The following DENND11 variants were observed in gnomAD, a reference collection of about 807,000 sequenced individuals.
DENND11 encodes the protein DENN domain containing 11.
Under a neutral mutation model 49.2 loss-of-function variants are expected in DENND11, and 34 were observed. The observed-to-expected ratio is 0.69, with a 90% CI of 0.53 to 0.92. The LOEUF is 0.92. Ranked by LOEUF, DENND11 falls within the 40% of genes least tolerant of loss-of-function variation. The probability of loss-of-function intolerance (pLI) is 0.00; values close to 1 mark genes in which losing one functional copy is unlikely to be tolerated. For synonymous variants in DENND11, 238 were observed against 230.3 expected (o/e 1.03, Z -0.30); for missense variants, 475 against 581.6 (o/e 0.82, Z 1.88).
intron 1 of DENND11, among the ~76,000 whole-genome samples, chr7:141,692,275 G>A (rs975699597): frequency 2.0e-5 from 3 of 152,208 alleles, no homozygotes; most frequent in African/African-American, 7.2e-5. Context: ...TGCGGATATC[G>A]ACAAGTTAAT....
At chr7:141,696,913 CAA>C (rs911716418) in intron 1 of DENND11, among the ~76,000 whole-genome samples, 1 of 152,158 alleles carries the variant, frequency 6.6e-6, no homozygotes, top group African/African-American at 2.4e-5. Flanking sequence ...ACATCCAAAG[CAA>C]AGAGAAAAGC....
chr7:141,666,914 T>C (rs1797904671), intron 4 of DENND11, among the ~76,000 whole-genome samples: 1 of 152,146 alleles, frequency 6.6e-6, no homozygotes, highest in African/African-American at 2.4e-5. Flanking sequence ...GCACTTCACC[T>C]CTGACCACTC....
At chr7:141,662,873 C>G (rs764351532) in intron 8 of DENND11, 22 bp from the exon 9 acceptor site, 11 of 1,506,590 alleles carry the variant, frequency 7.3e-6, no homozygotes, top group Non-Finnish European at 9.8e-6. Flanking sequence ...AGACAAGACA[C>G]AGGAAAGGAA....
At chr7:141,669,474 C>T (rs1229542834) in intron 4 of DENND11, among the ~76,000 whole-genome samples, 1 of 128,302 alleles carries the variant, frequency 7.8e-6, no homozygotes, top group Non-Finnish European at 1.8e-5. Context: ...TTTTGAATTC[C>T]TGATCTCATG....
Position 141,665,311 on chromosome 7 carries a change from G to A in DENND11, c.828C>T (p.Cys276=). The A allele has an allele frequency of 6.2e-7, 1 of 1,613,926 alleles. No individual in the cohort carries two copies. The highest frequency in any genetic ancestry group is 8.5e-7 in the Non-Finnish European group (1 of 1,179,880). ...PVGVVCYRVY[C]CCCLANVSLP... ...GTGAAACGTTGGCCAAGCAGCAGCA[G>A]CAGTACACTGTGGGGATAGAGGAGG... Residue 276 remains cysteine (C), a synonymous_variant, in exon 6 of 9, where the codon TGC becomes TGT. Transcript: ENST00000536163.
At chr7:141,679,993 G>A (rs777927280) in intron 3 of DENND11, among the ~76,000 whole-genome samples, 3 of 152,126 alleles carry the variant, frequency 2.0e-5, no homozygotes, top group Non-Finnish European at 4.4e-5. Context: ...AACCTCTATG[G>A]GAAGCAATTT....
intron 4 of DENND11, among the ~76,000 whole-genome samples, chr7:141,672,523 T>C (rs771608105): frequency 1.3e-5 from 2 of 152,250 alleles, no homozygotes; most frequent in Middle Eastern, 6.8e-3. Flanking sequence ...GTTCAAAACA[T>C]CCCTCAAGAA....
chr7:141,685,443 T>C (rs1798223437), intron 3 of DENND11, 35 bp downstream of exon 3: 1 of 1,609,434 alleles, frequency 6.2e-7, no homozygotes, highest in Non-Finnish European at 8.5e-7. Flanking sequence ...TGGTGGATCC[T>C]GCTGCCTCCC....
intron 4 of DENND11, among the ~76,000 whole-genome samples, chr7:141,667,656 C>T (rs1170676161): frequency 1.4e-4 from 22 of 152,202 alleles, no homozygotes; most frequent in East Asian, 5.8e-4. Context: ...AGAGAGGCAC[C>T]GACTCTCGGG....
At chr7:141,680,999 GTATCAAAAACCA>G (rs1389714870) in intron 3 of DENND11, among the ~76,000 whole-genome samples, 1 of 152,174 alleles carries the variant, frequency 6.6e-6, no homozygotes, top group East Asian at 1.9e-4. Flanking sequence ...AGTTACTACA[GTATCAAAAACCA>G]TATAGAGACA....
At chr7:141,675,005 AC>A (rs1327041329) in intron 3 of DENND11, among the ~76,000 whole-genome samples, 1 of 152,198 alleles carries the variant, frequency 6.6e-6, no homozygotes, top group Non-Finnish European at 1.5e-5. Flanking sequence ...TTTTGTCCCC[AC>A]AAAAAAGATG....
chr7:141,689,141 A>G (rs1017343891), intron 1 of DENND11, among the ~76,000 whole-genome samples: 1 of 152,252 alleles, frequency 6.6e-6, no homozygotes, highest in African/African-American at 2.4e-5. Flanking sequence ...GCATAAGTAT[A>G]GAAAAGTGCA....
Position 141,660,831 on chromosome 7 carries a change from C to T in DENND11, c.*1825G>A, listed in dbSNP as rs929479201. 1.3e-5 allele frequency: 2 copies of T among 152,540 alleles called. No individual in the cohort carries two copies. The highest frequency in any genetic ancestry group is 6.5e-5 in the Admixed American group (1 of 15,274). 9.4% of individuals were successfully genotyped at this position (152,540 alleles called of 1,614,324 possible). A position where few individuals can be genotyped will look rare whatever the true frequency, so the allele number is the denominator to read the frequency against. On this transcript the variant is annotated 3_prime_UTR_variant, in exon 9 of 9. Coordinates refer to ENST00000536163, the MANE Select transcript of DENND11 (RefSeq NM_001080392.2). ...AGAATAAAAGGTGAGGCTTCAACCT[C>T]GAAACACAGATTTTTTTTTCTTTTG...
intron 5 of DENND11, 122 bp from the exon 6 acceptor site, chr7:141,665,440 G>A: frequency 2.2e-6 from 3 of 1,351,646 alleles, no homozygotes; most frequent in Non-Finnish European, 2.0e-6. Context: ...AGGTGGTCCT[G>A]GCGTTCTGAG....
chr7:141,693,468 T>A lies in DENND11; in HGVS notation c.269-6810A>T, dbSNP rs574236433. Among the ~76,000 whole-genome samples the A allele has an allele frequency of 7.2e-5, 11 of 152,340 alleles. No individual in the cohort carries two copies. The South Asian group carries it at 2.3e-3, about 32-fold the overall frequency. The stretch of plus-strand genomic sequence containing the variant: ...ACAAAACTAACATGTTATTATCAAA[T>A]GACCCAGCAACGATGCACCTTTGTA... On this transcript the variant is annotated intron_variant, in intron 1 of 8. Coordinates refer to ENST00000536163, the MANE Select transcript of DENND11 (RefSeq NM_001080392.2).
intron 1 of DENND11, among the ~76,000 whole-genome samples, chr7:141,687,626 G>A (rs1167884722): frequency 4.8e-5 from 6 of 125,012 alleles, no homozygotes; most frequent in Admixed American, 1.8e-4. Flanking sequence ...CAGCACACTC[G>A]GCTAATTTTT....
chr7:141,691,365 A>ACTG (rs1798324814), intron 1 of DENND11, among the ~76,000 whole-genome samples: 1 of 152,212 alleles, frequency 6.6e-6, no homozygotes, highest in South Asian at 2.1e-4. Context: ...GTTACATGAA[A>ACTG]AAGAAATAGA....
intron 7 of DENND11, 124 bp from the exon 8 acceptor site, chr7:141,664,364 A>G (rs1797853008): frequency 1.4e-6 from 1 of 708,316 alleles, no homozygotes; most frequent in Non-Finnish European, 2.5e-6. Flanking sequence ...CAGGAAAGGG[A>G]TCAACAGGGT....
intron 1 of DENND11, 162 bp downstream of exon 1, chr7:141,701,724 C>A: frequency 1.9e-6 from 1 of 513,050 alleles, no homozygotes. Context: ...GAGGACTGGC[C>A]GACCCCCGCC....
Sources: allele counts gnomAD v4.1 joint callset (sites outside exome capture counted in the v4.1 genomes callset), GRCh38; gene constraint gnomAD v4.1.1; transcripts MANE v1.5; gene names NCBI Gene and HGNC (gene_info 2026-07-23, HGNC 2026-07-21).